CAMTA1: variants seen among roughly 807,000 people sequenced by gnomAD.
CAMTA1 encodes calmodulin-binding transcription activator 1.
Under a neutral mutation model 170.9 loss-of-function variants are expected in CAMTA1, and 27 were observed. The ratio of observed to expected loss-of-function variants is 0.16; its 90% CI spans 0.12 to 0.22. The LOEUF is 0.22. CAMTA1 is among the 10% of genes least tolerant of loss of function. The pLI is 1.00. For missense variants in CAMTA1, 1,619 were observed against 2,217.2 expected (o/e 0.73, Z 5.42); for synonymous variants, 833 against 891.5 (o/e 0.93, Z 1.17).
chr1:6,794,790 A>C (rs574461830), intron 1 of CAMTA1, among the ~76,000 whole-genome samples: 52 of 152,232 alleles, frequency 3.4e-4, no homozygotes, highest in Non-Finnish European at 5.1e-4. Context: ...AATATGAACA[A>C]TCCATGCCAC....
chr1:7,669,650 G>A (rs150915385), intron 9 of CAMTA1, among the ~76,000 whole-genome samples: 1,610 of 152,374 alleles, frequency 0.011, 17 homozygotes, highest in Non-Finnish European at 0.019. Flanking sequence ...TGGACACTAG[G>A]TGGTGCTCTC....
chr1:7,271,488 G>C lies in CAMTA1; in HGVS notation c.438+21862G>C, dbSNP rs546378980. On this transcript the variant is annotated intron_variant, in intron 5 of 22. Coordinates refer to ENST00000303635, the MANE Select transcript of CAMTA1 (RefSeq NM_015215.4). ...ATGAAATTGAGAATGGAAAACAATA[G>C]AGAAAATCAATGAAACCAGAAGTTG... Among the ~76,000 whole-genome samples, 3 of 151,910 alleles carry C rather than the reference G, an allele frequency of 2.0e-5. No homozygotes were observed. The South Asian group carries it at 6.2e-4, about 32-fold the overall frequency.
intron 6 of CAMTA1, among the ~76,000 whole-genome samples, chr1:7,525,929 C>T (rs1460709415): frequency 1.3e-5 from 2 of 152,086 alleles, no homozygotes; most frequent in Non-Finnish European, 2.9e-5. Context: ...TGGGAGCCCC[C>T]ACCCAGACCT....
chr1:6,887,007 G>A lies in CAMTA1; in HGVS notation c.234+61797G>A, dbSNP rs960163182. ...TGAAACTGGCCCAGGAAGTAACAATGGGAAGTGCTGGAAATGGAATTTAAG... is the reference window on the plus strand; with the variant it reads ...TGAAACTGGCCCAGGAAGTAACAATAGGAAGTGCTGGAAATGGAATTTAAG... On this transcript the variant is annotated intron_variant, in intron 3 of 22. Coordinates refer to ENST00000303635, the MANE Select transcript of CAMTA1 (RefSeq NM_015215.4). The surrounding 1 kb of genome is among the most constrained non-coding windows in gnomAD (Gnocchi z 4.1). 6.6e-6 allele frequency among the ~76,000 whole-genome samples: 1 copy of A among 152,144 alleles called. No individual in the cohort carries two copies. The highest frequency in any genetic ancestry group is 1.5e-5 in the Non-Finnish European group (1 of 68,018).
chr1:7,152,498 C>T (rs1446866613), intron 4 of CAMTA1, among the ~76,000 whole-genome samples: 1 of 152,182 alleles, frequency 6.6e-6, no homozygotes, highest in Non-Finnish European at 1.5e-5. Context: ...ATTTTGGGGG[C>T]CATTCTGTTT....
chr1:7,698,768 C>T (rs1487779873), intron 11 of CAMTA1: 1 of 149,272 alleles, frequency 6.7e-6, no homozygotes, highest in Non-Finnish European at 1.5e-5. Flanking sequence ...TACAGACTCA[C>T]CCCTGGCTTT....
chr1:7,326,692 A>G (rs2082703394), intron 5 of CAMTA1, among the ~76,000 whole-genome samples: 1 of 152,230 alleles, frequency 6.6e-6, no homozygotes, highest in African/African-American at 2.4e-5. Context: ...CAGCCTTCAG[A>G]GAGAACATGG....
At chr1:6,984,120 G>C (rs1041832955) in intron 3 of CAMTA1, among the ~76,000 whole-genome samples, 1 of 151,616 alleles carries the variant, frequency 6.6e-6, no homozygotes, top group African/African-American at 2.4e-5. Flanking sequence ...GTTGGTAGAT[G>C]AGTGGATAGA....
intron 5 of CAMTA1, among the ~76,000 whole-genome samples, chr1:7,355,778 C>G (rs2085066327): frequency 6.6e-6 from 1 of 152,246 alleles, no homozygotes; most frequent in East Asian, 1.9e-4. Context: ...TCATCTCCCA[C>G]CAGCCTCCCT....
chr1:7,424,952 G>C (rs902915835), intron 5 of CAMTA1, among the ~76,000 whole-genome samples: 1 of 152,054 alleles, frequency 6.6e-6, no homozygotes, highest in African/African-American at 2.4e-5. Flanking sequence ...GAGTGTCCCT[G>C]CATAGGGAGG....
intron 4 of CAMTA1, among the ~76,000 whole-genome samples, chr1:7,229,985 C>T (rs1308474740): frequency 6.6e-6 from 1 of 152,096 alleles, no homozygotes; most frequent in African/African-American, 2.4e-5. Flanking sequence ...AAGGAATGAC[C>T]TGAAGGCCCT....
Position 7,249,734 on chromosome 1 carries a change from T to C in CAMTA1, c.438+108T>C. 7.4e-7 allele frequency: 1 copy of C among 1,349,034 alleles called. No homozygotes were observed. Among genetic ancestry groups the C allele is most frequent in the Non-Finnish European group, 1.0e-6 (1 of 1,002,540 alleles). The allele number at this position is 1,349,034 out of a possible 1,614,324, so 83.6% of individuals were successfully genotyped here. Reference sequence around the variant, plus strand: ...ATGCGAGTCACCTCTGTCCAAAGAATTTTTGTTTGCCAAGACCCTGGTTTT... The same window carrying C: ...ATGCGAGTCACCTCTGTCCAAAGAACTTTTGTTTGCCAAGACCCTGGTTTT... On this transcript the variant is annotated intron_variant, in intron 5 of 22. Coordinates refer to ENST00000303635, the MANE Select transcript of CAMTA1 (RefSeq NM_015215.4). This position sits in a 1 kb window ranked among gnomAD's most constrained non-coding sequence, Gnocchi z 4.4.
chr1:7,075,714 G>T (rs1639209631), intron 3 of CAMTA1, among the ~76,000 whole-genome samples: 1 of 149,388 alleles, frequency 6.7e-6, no homozygotes, highest in Non-Finnish European at 1.5e-5. Flanking sequence ...CCAGGCTGGA[G>T]TGCAGTGGCA....
chr1:7,658,708 G>A (rs1481979032), intron 7 of CAMTA1, among the ~76,000 whole-genome samples: 1 of 152,186 alleles, frequency 6.6e-6, no homozygotes, highest in Non-Finnish European at 1.5e-5. Flanking sequence ...CCTCCACCAG[G>A]TCCTTTCTGC....
intron 5 of CAMTA1, among the ~76,000 whole-genome samples, chr1:7,437,574 C>A (rs2149389546): frequency 6.6e-6 from 1 of 152,274 alleles, no homozygotes; most frequent in African/African-American, 2.4e-5. Flanking sequence ...CCAAATTAGG[C>A]CACATTCTGA....
intron 11 of CAMTA1, among the ~76,000 whole-genome samples, chr1:7,713,530 G>C (rs1577117131): frequency 6.6e-6 from 1 of 152,068 alleles, no homozygotes; most frequent in South Asian, 2.1e-4. Flanking sequence ...AGCATATTAG[G>C]GTTCAGAAAA....
intron 6 of CAMTA1, among the ~76,000 whole-genome samples, chr1:7,600,796 G>A (rs2095434399): frequency 6.6e-6 from 1 of 151,920 alleles, no homozygotes; most frequent in Non-Finnish European, 1.5e-5. Context: ...CACAGGGTTG[G>A]GGGTAAGGTC....
intron 3 of CAMTA1, among the ~76,000 whole-genome samples, chr1:7,084,588 G>C (rs939709126): frequency 6.6e-6 from 1 of 152,250 alleles, no homozygotes; most frequent in African/African-American, 2.4e-5. Context: ...GGTGGACCGA[G>C]GGGGGCAGGG....
At chr1:6,868,324 C>CAA (rs1269628483) in intron 3 of CAMTA1, among the ~76,000 whole-genome samples, 5 of 126,082 alleles carry the variant, frequency 4.0e-5, no homozygotes, top group African/African-American at 1.5e-4. Flanking sequence ...TTTTTAAAAA[C>CAA]AAAACAAAAC....
Sources: allele counts gnomAD v4.1 joint callset (sites outside exome capture counted in the v4.1 genomes callset), GRCh38; gene constraint gnomAD v4.1.1; non-coding constraint Gnocchi (gnomAD v3.1); transcripts MANE v1.5; gene names NCBI Gene and HGNC (gene_info 2026-07-23, HGNC 2026-07-21).